The following ZNF442 variants were observed in gnomAD, a reference collection of about 807,000 sequenced individuals.
ZNF442 encodes the protein zinc finger protein 442.
ZNF442 carries 45 observed loss-of-function variants against 57.0 expected under a neutral mutation model. The ratio of observed to expected loss-of-function variants is 0.79; its 90% CI spans 0.62 to 1.01. The LOEUF is 1.01. Ranked by LOEUF, ZNF442 falls within the 50% of genes least tolerant of loss-of-function variation. The pLI is 0.00. For synonymous variants in ZNF442, 213 were observed against 241.8 expected (o/e 0.88, Z 1.10); for missense variants, 690 against 756.5 (o/e 0.91, Z 1.03).
At chr19:12,366,801 T>C (rs573223452), upstream of ZNF442, among the ~76,000 whole-genome samples, 1 of 152,206 alleles carries the variant, frequency 6.6e-6, no homozygotes, top group African/African-American at 2.4e-5. Flanking sequence ...GCCCAGCTAA[T>C]TTTTTTGTAT....
At chr19:12,370,171 A>G (rs1232326487), upstream of ZNF442, among the ~76,000 whole-genome samples, 2 of 151,520 alleles carry the variant, frequency 1.3e-5, no homozygotes, top group African/African-American at 4.9e-5. Flanking sequence ...CTATAGAATC[A>G]GTGGGAGCCC....
chr19:12,363,814 G>T, intron 2 of ZNF442, 143 bp from the exon 3 acceptor site: 1 of 604,538 alleles, frequency 1.7e-6, no homozygotes. Flanking sequence ...CTGCTCACTG[G>T]GAGAAATGAC....
At chr19:12,373,041 G>A in the ZNF442 span, among the ~76,000 whole-genome samples, 1 of 152,078 alleles carries the variant, frequency 6.6e-6, no homozygotes, top group Non-Finnish European at 1.5e-5. Context: ...CAAAGTGCTG[G>A]GATTACAGGT....
the ZNF442 span, among the ~76,000 whole-genome samples, chr19:12,372,403 G>A: frequency 3.9e-5 from 6 of 151,928 alleles, no homozygotes; most frequent in African/African-American, 1.4e-4. Flanking sequence ...AGGTTGCAGT[G>A]AGCCCAGATA....
chr19:12,346,338 C>T lies in ZNF442; in HGVS notation c.*3363G>A, dbSNP rs1297387417. On this transcript the variant is annotated 3_prime_UTR_variant, in exon 6 of 6. Transcript: ENST00000242804. ...TATAAACAACCAACAAAAACAAAAA[C>T]CAATGTGCATTATTATTGGTCATTA... 6.6e-6 allele frequency: 1 copy of T among 151,788 alleles called. No homozygotes were observed. The highest frequency in any genetic ancestry group is 2.4e-5 in the African/African-American group (1 of 41,334). The allele number at this position is 151,788 out of a possible 1,614,324, so 9.4% of individuals were successfully genotyped here.
At chr19:12,373,373 T>A in the ZNF442 span, among the ~76,000 whole-genome samples, 1 of 151,922 alleles carries the variant, frequency 6.6e-6, no homozygotes, top group Admixed American at 6.6e-5. Context: ...AACCCCGCCT[T>A]TACCAAAAAC....
Position 12,350,192 on chromosome 19 carries a change from A to G in ZNF442, c.1393T>C (p.Cys465Arg). Residue 465 changes from cysteine (C) to arginine (R), a missense_variant, in exon 6 of 6, where the codon TGT becomes CGT. Physicochemically the swap from Cys to Arg is radical, Grantham distance 180 (BLOSUM62 -3). Transcript: ENST00000242804. ...HTGEKPYKCK[C>R]GKAFIDFYSF... is the part of the protein sequence containing the mutation. ...TAGAAATCAATAAAGGCTTTCCCAC[A>G]TTTACATTTATAGGGTTTCTCTCCA... is the stretch of plus-strand genomic sequence containing the variant. The G allele has an allele frequency of 6.2e-7, 1 of 1,613,652 alleles. No individual in the cohort carries two copies. The highest frequency in any genetic ancestry group is 8.5e-7 in the Non-Finnish European group (1 of 1,179,862).
chr19:12,356,406 T>A (rs1271563579), intron 3 of ZNF442, among the ~76,000 whole-genome samples: 1 of 152,126 alleles, frequency 6.6e-6, no homozygotes, highest in Admixed American at 6.6e-5. Context: ...GGAGGGCAGA[T>A]CACCTGAGGT....
intron 3 of ZNF442, among the ~76,000 whole-genome samples, chr19:12,356,902 A>T (rs1969340283): frequency 6.6e-6 from 1 of 152,122 alleles, no homozygotes; most frequent in South Asian, 2.1e-4. Context: ...CAATACAACA[A>T]TTTTTTCCCA....
At chr19:12,359,894 C>T (rs1466411423) in intron 3 of ZNF442, among the ~76,000 whole-genome samples, 1 of 152,008 alleles carries the variant, frequency 6.6e-6, no homozygotes, top group Non-Finnish European at 1.5e-5. Flanking sequence ...AGGAGAATCA[C>T]TTAAACCCGG....
Position 12,349,758 on chromosome 19 carries a change from C to T in ZNF442, c.1827G>A (p.Leu609=). ...MHECKECGKA[L]SSLSSLHRHK... ...GTCTATGCAAGGAACTGAGAGAACT[C>T]AGTGCCTTCCCACATTCCTTACATT... The change falls in exon 6 of 6, where the codon CTG becomes CTA. Residue 609 remains leucine, a synonymous_variant. Transcript: ENST00000242804. 6.2e-7 allele frequency: 1 copy of T among 1,614,132 alleles called. No individual in the cohort carries two copies.
intron 3 of ZNF442, among the ~76,000 whole-genome samples, chr19:12,362,779 G>A (rs576339552): frequency 2.0e-5 from 3 of 152,188 alleles, no homozygotes; most frequent in South Asian, 4.1e-4. Context: ...TGGGGGAAGT[G>A]TGGGGAAAGG....
intron 3 of ZNF442, among the ~76,000 whole-genome samples, chr19:12,360,025 C>G (rs562157125): frequency 6.6e-6 from 1 of 151,994 alleles, no homozygotes; most frequent in African/African-American, 2.4e-5. Context: ...CCCTCCCCTT[C>G]GCATCTTCCT....
rs547122580 is a variant in ZNF442, at chr19:12,350,243, G to T, written c.1342C>A (p.Leu448Ile). ...CGKAFRISSS[L>I]RRHETTHTGE... ...GTGTGAGTTGTTTCATGTCTTCGAA[G>T]GGAACTAGAAATACGGAAGGCTTTA... Residue 448 changes from leucine to isoleucine, a missense_variant, in exon 6 of 6, where the codon CTT (leucine) becomes ATT (isoleucine). By Grantham distance (5) the Leu-to-Ile change is conservative. Transcript: ENST00000242804. 4 of 1,613,570 alleles carry T rather than the reference G, an allele frequency of 2.5e-6. No homozygotes were observed. In the South Asian group the frequency reaches 4.4e-5, roughly 18 times the overall value.
rs781415922 is a variant in ZNF442, at chr19:12,350,479, C to A, written c.1106G>T (p.Arg369Ile). ...DCPSSLQSHE[R>I]THTGEKPYEC... ...ATAGGGTTTCTCTCCAGTGTGAGTT[C>A]TTTCATGACTTTGCAGTGAACTAGG... The change falls in exon 6 of 6, where the codon AGA becomes ATA. Residue 369 changes from arginine (R) to isoleucine (I), a missense_variant. Coordinates refer to ENST00000242804, the MANE Select transcript of ZNF442 (RefSeq NM_030824.3). 2 of 1,614,128 alleles carry A rather than the reference C, an allele frequency of 1.2e-6. No homozygotes were observed. The highest frequency in any genetic ancestry group is 2.2e-5 in the East Asian group (1 of 44,868).
chr19:12,352,070 C>G lies in ZNF442; in HGVS notation c.206G>C (p.Gly69Ala), dbSNP rs1253323233. 3 of 1,613,084 alleles carry G rather than the reference C, an allele frequency of 1.9e-6. No homozygotes were observed. Among genetic ancestry groups the G allele is most frequent in the Non-Finnish European group, 2.5e-6 (3 of 1,179,590 alleles). ...WETIRNLDCI[G>A]MKWEDTNIED... ...AATGTTTGTGTCTTCCCATTTCATT[C>G]CTAAAAGGTGGACACAGAAAAAACA... Residue 69 changes from glycine to alanine, a missense_variant and splice_region_variant, in exon 5 of 6, where the codon GGA (glycine) becomes GCA (alanine). Gly to Ala is a moderately conservative substitution (Grantham distance 60). Coordinates refer to ENST00000242804, the MANE Select transcript of ZNF442 (RefSeq NM_030824.3).
At chr19:12,355,981 A>C (rs1456729664) in intron 3 of ZNF442, among the ~76,000 whole-genome samples, 3 of 151,650 alleles carry the variant, frequency 2.0e-5, no homozygotes, top group African/African-American at 7.3e-5. Flanking sequence ...AGCCTGGGCA[A>C]CAGAATGAGA....
chr19:12,373,644 T>C, the ZNF442 span: 1 of 299,156 alleles, frequency 3.3e-6, no homozygotes, highest in South Asian at 3.6e-5. Context: ...CAAACCAGCA[T>C]GGTCTGATCC....
At chr19:12,372,683 G>A in the ZNF442 span, among the ~76,000 whole-genome samples, 11 of 152,286 alleles carry the variant, frequency 7.2e-5, no homozygotes, top group African/African-American at 2.6e-4. Flanking sequence ...TTAAGCAGGA[G>A]GCACTGATAA....
Sources: gnomAD v4.1 joint callset for allele counts (sites outside exome capture counted in the v4.1 genomes callset) on GRCh38, gnomAD v4.1.1 for gene constraint, MANE v1.5 for transcripts, NCBI Gene and HGNC (gene_info 2026-07-23, HGNC 2026-07-21) for gene names.